The following DSCAM variants were observed in gnomAD, a reference collection of about 807,000 sequenced individuals.
DSCAM encodes the protein cell adhesion molecule DSCAM.
DSCAM carries 47 observed loss-of-function variants against 217.7 expected under a neutral mutation model. The observed-to-expected ratio is 0.22, with a 90% confidence interval of 0.17 to 0.28. DSCAM has a LOEUF of 0.28. Among genes scored for constraint, DSCAM ranks in the 10% least tolerant of loss-of-function variants. DSCAM has a pLI of 1.00. For missense variants in DSCAM, 2,080 were observed against 2,618.3 expected, an observed-to-expected ratio of 0.79 and a Z score of 4.49; for synonymous variants, 1,056 against 1,015.3, an observed-to-expected ratio of 1.04 and a Z score of -0.76.
At chr21:40,551,394 ACTGT>A (rs1239964019) in intron 3 of DSCAM, among the ~76,000 whole-genome samples, 1 of 152,188 alleles carries the variant, frequency 6.6e-6, no homozygotes, top group Non-Finnish European at 1.5e-5. Context: ...GTAGAAAGAA[ACTGT>A]CTGGATTAAG....
chr21:40,173,544 T>TC (rs1407072205), intron 15 of DSCAM, among the ~76,000 whole-genome samples: 3 of 152,154 alleles, frequency 2.0e-5, no homozygotes, highest in Non-Finnish European at 1.5e-5. Context: ...TGGGGTGTGC[T>TC]CGGCTCTTCT....
chr21:40,256,400 C>CAGAGAG (rs201482308), intron 11 of DSCAM, among the ~76,000 whole-genome samples: 6 of 147,212 alleles, frequency 4.1e-5, no homozygotes, highest in African/African-American at 1.6e-4. Context: ...GAGAGAGAGA[C>CAGAGAG]AGACAGAGAG....
At chr21:40,157,940 C>T (rs753257437) in intron 16 of DSCAM, among the ~76,000 whole-genome samples, 18 of 152,114 alleles carry the variant, frequency 1.2e-4, no homozygotes, top group Non-Finnish European at 2.2e-4. Context: ...GCAATCCTCC[C>T]AATTCAGCCT....
At chr21:40,254,270 T>C (rs1474031508) in intron 11 of DSCAM, among the ~76,000 whole-genome samples, 2 of 152,148 alleles carry the variant, frequency 1.3e-5, no homozygotes, top group Non-Finnish European at 2.9e-5. Flanking sequence ...CAAGTTACCC[T>C]GAATGAAAAG....
At chr21:40,430,383 G>A (rs1246489417) in intron 3 of DSCAM, among the ~76,000 whole-genome samples, 1 of 152,304 alleles carries the variant, frequency 6.6e-6, no homozygotes, top group Non-Finnish European at 1.5e-5. Flanking sequence ...TAATTTGTTG[G>A]GCACAATCTA....
At chr21:40,539,323 G>C (rs1000890635) in intron 3 of DSCAM, among the ~76,000 whole-genome samples, 2 of 150,714 alleles carry the variant, frequency 1.3e-5, no homozygotes, top group African/African-American at 5.0e-5. Flanking sequence ...CAACGCCGTC[G>C]TCTCTACTAA....
At chr21:40,794,092 A>T (rs1569039594) in intron 1 of DSCAM, among the ~76,000 whole-genome samples, 1 of 152,040 alleles carries the variant, frequency 6.6e-6, no homozygotes, top group African/African-American at 2.4e-5. Context: ...TTTTCTAGAG[A>T]TTATTAATTT....
chr21:40,572,675 G>T (rs2076817474), intron 3 of DSCAM, among the ~76,000 whole-genome samples: 1 of 152,118 alleles, frequency 6.6e-6, no homozygotes, highest in Non-Finnish European at 1.5e-5. Flanking sequence ...ATATTCTAAT[G>T]CTAAGAGTCA....
chr21:40,277,027 C>G (rs10222072), intron 10 of DSCAM, among the ~76,000 whole-genome samples: 49,100 of 151,746 alleles, frequency 0.32, 8,281 homozygotes, highest in South Asian at 0.38. Flanking sequence ...TCCTAGAAGA[C>G]TTCTGGGAAG....
chr21:40,350,220 T>A lies in DSCAM; in HGVS notation c.935-2275A>T, dbSNP rs917461149. ...CCTAGTCAATACCATTCAGGACATA[T>A]GCATGGACAAAGACTTCATGACTAA... On this transcript the variant is annotated intron_variant, in intron 5 of 32. Coordinates refer to ENST00000400454, the MANE Select transcript of DSCAM (RefSeq NM_001389.5). Among the ~76,000 whole-genome samples the A allele has an allele frequency of 3.3e-5, 5 of 152,128 alleles. No homozygotes were observed. The South Asian group carries it at 1.0e-3, about 31-fold the overall frequency.
intron 3 of DSCAM, among the ~76,000 whole-genome samples, chr21:40,527,855 C>A (rs2076412045): frequency 6.6e-6 from 1 of 152,158 alleles, no homozygotes; most frequent in East Asian, 1.9e-4. Flanking sequence ...GAGACAGAAA[C>A]CCTGTATGCG....
intron 3 of DSCAM, among the ~76,000 whole-genome samples, chr21:40,520,009 CCT>C (rs1286361481): frequency 6.6e-6 from 1 of 151,948 alleles, no homozygotes; most frequent in African/African-American, 2.4e-5. Flanking sequence ...ATTTGTTGCC[CCT>C]GACTCTTAAT....
rs548006636 is a variant in DSCAM at position 40,321,616 on chromosome 21, CTT to C, written c.1784-9259_1784-9258del. 2.6e-3 allele frequency among the ~76,000 whole-genome samples: 360 copies of C among 136,496 alleles called. 2 individuals are homozygous for C. Among genetic ancestry groups the C allele is most frequent in the South Asian group, 0.017 (70 of 4,226 alleles). The allele number at this position is 136,496 out of a possible 152,430, so 89.5% of individuals were successfully genotyped here. On this transcript the variant is annotated intron_variant, in intron 8 of 32. Coordinates refer to ENST00000400454, the MANE Select transcript of DSCAM (RefSeq NM_001389.5). ...TTCAATTGTGTCCTAACTGGTCATT[CTT>C]TTTTTTTTTTTTTTCATCTTTCTGC...
intron 1 of DSCAM, among the ~76,000 whole-genome samples, chr21:40,748,084 A>G (rs899590004): frequency 1.3e-5 from 2 of 152,038 alleles, no homozygotes; most frequent in Non-Finnish European, 2.9e-5. Flanking sequence ...TAAAGGCCAT[A>G]TATGACAAAT....
At chr21:40,504,584 C>A (rs1295641621) in intron 3 of DSCAM, among the ~76,000 whole-genome samples, 1 of 152,160 alleles carries the variant, frequency 6.6e-6, no homozygotes, top group Non-Finnish European at 1.5e-5. Context: ...AGAAGAACAA[C>A]AGAAAAACTA....
At chr21:40,529,699 C>T (rs897685409) in intron 3 of DSCAM, among the ~76,000 whole-genome samples, 2 of 152,098 alleles carry the variant, frequency 1.3e-5, no homozygotes, top group African/African-American at 4.8e-5. Context: ...CCAGACGTGA[C>T]TTTGAGTTTG....
At chr21:40,696,162 G>A (rs1340379615) in intron 2 of DSCAM, among the ~76,000 whole-genome samples, 1 of 152,086 alleles carries the variant, frequency 6.6e-6, no homozygotes, top group African/African-American at 2.4e-5. Flanking sequence ...ACTGTGCTTG[G>A]TGTCATAAGT....
intron 3 of DSCAM, among the ~76,000 whole-genome samples, chr21:40,572,277 A>G (rs1374666043): frequency 2.0e-5 from 3 of 152,216 alleles, no homozygotes; most frequent in Non-Finnish European, 4.4e-5. Context: ...TGAAAATTAG[A>G]CTATGATAGT....
At chr21:40,838,529 A>G (rs1376065212) in intron 1 of DSCAM, among the ~76,000 whole-genome samples, 1 of 152,252 alleles carries the variant, frequency 6.6e-6, no homozygotes, top group Non-Finnish European at 1.5e-5. Flanking sequence ...GAAGCATCCA[A>G]TAATGAGAAA....
Sources: gnomAD v4.1 joint callset for allele counts (sites outside exome capture counted in the v4.1 genomes callset) on GRCh38, gnomAD v4.1.1 for gene constraint, MANE v1.5 for transcripts, NCBI Gene and HGNC (gene_info 2026-07-23, HGNC 2026-07-21) for gene names.